The following SLC35F1 variants were observed in gnomAD, a reference collection of about 807,000 sequenced individuals.
The protein encoded by SLC35F1 is chromosome 6 open reading frame 169.
Under a neutral mutation model 48.7 loss-of-function variants are expected in SLC35F1, and 14 were observed. That is an observed-to-expected ratio of 0.29 (90% CI 0.19 to 0.45). The LOEUF is 0.45. SLC35F1 is among the 20% of genes least tolerant of loss of function. SLC35F1 has a pLI of 1.00. For missense variants in SLC35F1, 404 were observed against 500.0 expected (o/e 0.81, Z 1.83); for synonymous variants, 190 against 202.2 (o/e 0.94, Z 0.51).
At chr6:118,144,687 C>T (rs1773945984) in intron 1 of SLC35F1, among the ~76,000 whole-genome samples, 1 of 151,056 alleles carries the variant, frequency 6.6e-6, no homozygotes. Context: ...ATGTGATCCC[C>T]TAGTATTACG....
At chr6:118,193,714 C>T (rs1471805049) in intron 2 of SLC35F1, among the ~76,000 whole-genome samples, 1 of 152,042 alleles carries the variant, frequency 6.6e-6, no homozygotes, top group Non-Finnish European at 1.5e-5. Flanking sequence ...AGGTGTGGAG[C>T]CTAGGAAATC....
intron 1 of SLC35F1, among the ~76,000 whole-genome samples, chr6:118,003,014 A>G (rs1411599936): frequency 6.6e-6 from 1 of 152,202 alleles, no homozygotes. Context: ...TGCACACAAT[A>G]TCTAGATTGT....
intron 1 of SLC35F1, among the ~76,000 whole-genome samples, chr6:118,126,978 C>T (rs1194801828): frequency 7.2e-5 from 11 of 152,018 alleles, no homozygotes; most frequent in Admixed American, 7.2e-4. Context: ...TTATTTCCTT[C>T]TCCTGCCTAA....
chr6:118,019,299 C>CA (rs985839638), intron 1 of SLC35F1, among the ~76,000 whole-genome samples: 2 of 151,564 alleles, frequency 1.3e-5, no homozygotes, highest in African/African-American at 4.9e-5. Flanking sequence ...TTTTCAGAGC[C>CA]AAAAAATGAA....
Position 117,907,722 on chromosome 6 carries a change from C to T in SLC35F1, c.-5C>T, listed in dbSNP as rs755774105. 1.3e-6 allele frequency: 2 copies of T among 1,513,438 alleles called. No individual in the cohort carries two copies. Among genetic ancestry groups the T allele is most frequent in the Non-Finnish European group, 1.8e-6 (2 of 1,129,324 alleles). 93.8% of individuals were successfully genotyped at this position (1,513,438 alleles called of 1,614,324 possible). A position where few individuals can be genotyped will look rare whatever the true frequency, so the allele number is the denominator to read the frequency against. ...GATCGCCGCCGCGCCTCAGCCTCTG[C>T]CGCGATGATCCCCCCTGAGCAGCCG... is the stretch of plus-strand genomic sequence containing the variant. On this transcript the variant is annotated 5_prime_UTR_variant, in exon 1 of 8. Transcript: ENST00000360388.
intron 1 of SLC35F1, among the ~76,000 whole-genome samples, chr6:118,004,478 A>T (rs10872161): frequency 0.24 from 36,008 of 152,016 alleles, 4,349 homozygotes; most frequent in East Asian, 0.3. Context: ...CAAAGTTCTA[A>T]TCCTACTAGA....
chr6:118,297,046 T>G (rs1776195266), intron 7 of SLC35F1, among the ~76,000 whole-genome samples: 1 of 152,180 alleles, frequency 6.6e-6, no homozygotes, highest in South Asian at 2.1e-4. Flanking sequence ...TCTACACATC[T>G]CTAGGGGCCA....
At chr6:118,006,043 A>G (rs1582614798) in intron 1 of SLC35F1, among the ~76,000 whole-genome samples, 1 of 152,188 alleles carries the variant, frequency 6.6e-6, no homozygotes, top group Non-Finnish European at 1.5e-5. Context: ...TATTCAAATA[A>G]ATTTTGAGCT....
At chr6:118,286,987 A>G (rs914507855) in intron 7 of SLC35F1, among the ~76,000 whole-genome samples, 1 of 152,172 alleles carries the variant, frequency 6.6e-6, no homozygotes, top group Non-Finnish European at 1.5e-5. Flanking sequence ...CCTATTTTAT[A>G]TGGAGCCTTT....
At chr6:117,914,188 A>G (rs1159469789) in intron 1 of SLC35F1, among the ~76,000 whole-genome samples, 1 of 151,912 alleles carries the variant, frequency 6.6e-6, no homozygotes, top group African/African-American at 2.4e-5. Flanking sequence ...GTATATATAT[A>G]GAGAGAGTTT....
At chr6:118,129,537 G>T (rs1773679363) in intron 1 of SLC35F1, among the ~76,000 whole-genome samples, 1 of 152,140 alleles carries the variant, frequency 6.6e-6, no homozygotes, top group South Asian at 2.1e-4. Context: ...AGGAGACGAG[G>T]TGCAGTCACA....
intron 1 of SLC35F1, among the ~76,000 whole-genome samples, chr6:118,070,236 A>G (rs918454315): frequency 2.6e-5 from 4 of 152,138 alleles, no homozygotes; most frequent in African/African-American, 9.6e-5. Flanking sequence ...ATCTAAGAGT[A>G]AAAAAGCAAA....
intron 1 of SLC35F1, among the ~76,000 whole-genome samples, chr6:118,152,516 T>G (rs1774076703): frequency 6.6e-6 from 1 of 152,148 alleles, no homozygotes; most frequent in Admixed American, 6.5e-5. Context: ...GTTGGCATGG[T>G]TTGACTGGGG....
intron 7 of SLC35F1, among the ~76,000 whole-genome samples, chr6:118,308,871 G>T (rs1776341332): frequency 6.6e-6 from 1 of 152,048 alleles, no homozygotes; most frequent in African/African-American, 2.4e-5. Context: ...TGTTTCAATG[G>T]CAGGCTTATA....
At chr6:118,064,886 C>A (rs1772591580) in intron 1 of SLC35F1, among the ~76,000 whole-genome samples, 1 of 152,096 alleles carries the variant, frequency 6.6e-6, no homozygotes, top group Non-Finnish European at 1.5e-5. Flanking sequence ...TACTCCATAT[C>A]AACCTGATGA....
At chr6:118,112,782 C>A (rs1260247339) in intron 1 of SLC35F1, among the ~76,000 whole-genome samples, 1 of 151,862 alleles carries the variant, frequency 6.6e-6, no homozygotes, top group Non-Finnish European at 1.5e-5. Flanking sequence ...ACCGAAGAAG[C>A]CAGAAAAAGA....
chr6:118,119,862 A>T (rs1773530341), intron 1 of SLC35F1, among the ~76,000 whole-genome samples: 1 of 152,234 alleles, frequency 6.6e-6, no homozygotes, highest in South Asian at 2.1e-4. Flanking sequence ...TGTGAAAAGA[A>T]TAAGGTCACA....
intron 1 of SLC35F1, among the ~76,000 whole-genome samples, chr6:117,938,087 G>C (rs761544780): frequency 6.6e-6 from 1 of 152,116 alleles, no homozygotes; most frequent in Non-Finnish European, 1.5e-5. Context: ...TCAGGCCTTA[G>C]GCAACAGGTC....
chr6:118,148,627 CAAA>C (rs1449096312), intron 1 of SLC35F1, among the ~76,000 whole-genome samples: 5 of 152,100 alleles, frequency 3.3e-5, no homozygotes, highest in Admixed American at 6.6e-5. Flanking sequence ...AATGCATAAA[CAAA>C]GAAGATGAAA....
Sources: gnomAD v4.1 joint callset for allele counts (sites outside exome capture counted in the v4.1 genomes callset) on GRCh38, gnomAD v4.1.1 for gene constraint, MANE v1.5 for transcripts, NCBI Gene and HGNC (gene_info 2026-07-23, HGNC 2026-07-21) for gene names.